FGD4: variants seen among roughly 807,000 people sequenced by gnomAD.
FGD4 encodes the protein FYVE, RhoGEF and PH domain-containing protein 4.
Under a neutral mutation model 102.0 loss-of-function variants are expected in FGD4, and 42 were observed. The ratio of observed to expected loss-of-function variants is 0.41; its 90% CI spans 0.32 to 0.53. The LOEUF is 0.53. Ranked by LOEUF, FGD4 falls within the 20% of genes least tolerant of loss-of-function variation. FGD4 has a pLI of 0.21. For missense variants in FGD4, 902 were observed against 1,078.2 expected (o/e 0.84, Z 2.29); for synonymous variants, 380 against 375.7 (o/e 1.01, Z -0.13).
chr12:32,561,393 T>C (rs188616117), intron 1 of FGD4, among the ~76,000 whole-genome samples: 113 of 152,308 alleles, frequency 7.4e-4, no homozygotes, highest in African/African-American at 2.5e-3. Flanking sequence ...GGCCCAAATG[T>C]GGTTTCTAAT....
chr12:32,631,343 A>G lies in FGD4; in HGVS notation c.2173-2206A>G, dbSNP rs117795256. ...AAAAGGAATGGGAGACACAGAAAAC[A>G]GTAGGTGTTCCCAGTGTCATGAGTG... is the stretch of plus-strand genomic sequence containing the variant. On this transcript the variant is annotated intron_variant, in intron 14 of 16. Coordinates refer to ENST00000534526, the MANE Select transcript of FGD4 (RefSeq NM_001370298.3). Among the ~76,000 whole-genome samples, 1,119 of 152,278 alleles carry G rather than the reference A, an allele frequency of 7.3e-3. 36 individuals carry two copies. The East Asian group carries it at 0.11, about 15-fold the overall frequency.
At chr12:32,511,419 C>A (rs1399736905) in intron 1 of FGD4, among the ~76,000 whole-genome samples, 2 of 152,124 alleles carry the variant, frequency 1.3e-5, no homozygotes, top group Admixed American at 6.6e-5. Context: ...TCAAGCAATT[C>A]TCCAGAGTAG....
At chr12:32,541,558 G>T (rs1031028232) in intron 1 of FGD4, among the ~76,000 whole-genome samples, 7 of 152,084 alleles carry the variant, frequency 4.6e-5, no homozygotes, top group African/African-American at 1.7e-4. Context: ...TAGAGACGGG[G>T]TTTCACCACG....
chr12:32,503,505 G>C (rs1209301230), intron 1 of FGD4, among the ~76,000 whole-genome samples: 2 of 152,072 alleles, frequency 1.3e-5, no homozygotes, highest in Non-Finnish European at 2.9e-5. Context: ...TTCAAGAACA[G>C]GTTTTTAGGC....
At chr12:32,540,729 C>A (rs1443479366) in intron 1 of FGD4, among the ~76,000 whole-genome samples, 1 of 152,048 alleles carries the variant, frequency 6.6e-6, no homozygotes, top group Non-Finnish European at 1.5e-5. Flanking sequence ...CCACCCCCAG[C>A]TAATTTTGTA....
At chr12:32,490,856 A>G (rs76571917) in intron 1 of FGD4, among the ~76,000 whole-genome samples, 99 of 152,312 alleles carry the variant, frequency 6.5e-4, no homozygotes, top group Middle Eastern at 3.4e-3. Context: ...TCTTTCTACT[A>G]AAAATCATGA....
At chr12:32,521,456 T>A (rs1201684427) in intron 1 of FGD4, among the ~76,000 whole-genome samples, 1 of 150,598 alleles carries the variant, frequency 6.6e-6, no homozygotes, top group African/African-American at 2.4e-5. Flanking sequence ...CCACAGGGAA[T>A]AATTAGACTT....
At position 32,495,532 on chromosome 12, in the gene FGD4, A is replaced by G. The variant is rs562359242; in HGVS notation, c.167-68605A>G. On this transcript the variant is annotated intron_variant, in intron 1 of 16. Transcript: ENST00000534526. ...TAACACAGCGAAACCCGTCTCTACTAAAAAATACAGAAAATTAGCCAGGCG... is the reference window on the plus strand; with the variant it reads ...TAACACAGCGAAACCCGTCTCTACTGAAAAATACAGAAAATTAGCCAGGCG... Among the ~76,000 whole-genome samples the G allele has an allele frequency of 3.3e-5, 5 of 151,902 alleles. No individual in the cohort carries two copies. The East Asian group carries it at 9.7e-4, about 30-fold the overall frequency.
chr12:32,405,261 G>GGTTTTT, intron 1 of FGD4, among the ~76,000 whole-genome samples: 1 of 108,742 alleles, frequency 9.2e-6, no homozygotes, highest in Non-Finnish European at 1.8e-5. Flanking sequence ...GCAGTCAGTG[G>GGTTTTT]TTTTTTTTTT....
chr12:32,599,096 A>G (rs1948137767), intron 5 of FGD4, among the ~76,000 whole-genome samples: 1 of 152,168 alleles, frequency 6.6e-6, no homozygotes, highest in African/African-American at 2.4e-5. Flanking sequence ...CCCAGCTGAT[A>G]TTTGTTTAAT....
intron 1 of FGD4, among the ~76,000 whole-genome samples, chr12:32,500,342 A>G (rs558059681): frequency 2.0e-4 from 30 of 152,156 alleles, no homozygotes; most frequent in Non-Finnish European, 4.1e-4. Flanking sequence ...ACTTGTTAAT[A>G]GAAACATTTC....
intron 1 of FGD4, among the ~76,000 whole-genome samples, chr12:32,451,820 G>A (rs957659090): frequency 5.4e-5 from 3 of 55,252 alleles, no homozygotes; most frequent in African/African-American, 2.3e-4. Flanking sequence ...GGCAACAAAA[G>A]CGAAACTCCA....
chr12:32,569,271 G>A (rs1945449586), intron 2 of FGD4, among the ~76,000 whole-genome samples: 1 of 152,048 alleles, frequency 6.6e-6, no homozygotes, highest in African/African-American at 2.4e-5. Flanking sequence ...TCTCAACACA[G>A]CTCCCAGAGT....
chr12:32,635,120 A>C (rs1175644490), intron 15 of FGD4, among the ~76,000 whole-genome samples: 1 of 152,230 alleles, frequency 6.6e-6, no homozygotes, highest in Non-Finnish European at 1.5e-5. Context: ...TACAAACTTC[A>C]AGGTCCATTT....
intron 1 of FGD4, among the ~76,000 whole-genome samples, chr12:32,491,544 G>T (rs543048344): frequency 6.6e-6 from 1 of 152,278 alleles, no homozygotes; most frequent in East Asian, 1.9e-4. Flanking sequence ...CGTTGGTAAG[G>T]AACTTTTGTC....
chr12:32,549,993 A>G (rs1943526066), intron 1 of FGD4, among the ~76,000 whole-genome samples: 2 of 152,054 alleles, frequency 1.3e-5, no homozygotes, highest in South Asian at 2.1e-4. Flanking sequence ...TCATCATCCT[A>G]TGCCTGGGCT....
chr12:32,448,704 T>C (rs1591921161), intron 1 of FGD4, among the ~76,000 whole-genome samples: 1 of 140,442 alleles, frequency 7.1e-6, no homozygotes, highest in African/African-American at 2.6e-5. Flanking sequence ...GGACTTGAGG[T>C]AGGAATGTGT....
chr12:32,598,419 T>C, intron 4 of FGD4, 78 bp from the exon 5 acceptor site: 1 of 1,012,070 alleles, frequency 9.9e-7, no homozygotes, highest in Non-Finnish European at 1.5e-6. Context: ...GATCAAATCA[T>C]TTGAAGAAGC....
intron 1 of FGD4, among the ~76,000 whole-genome samples, chr12:32,454,577 G>A (rs1019856033): frequency 6.6e-6 from 1 of 152,074 alleles, no homozygotes; most frequent in Admixed American, 6.6e-5. Context: ...TTTAAAAATC[G>A]CTAATGCTTT....
Sources: allele counts gnomAD v4.1 joint callset (sites outside exome capture counted in the v4.1 genomes callset), GRCh38; gene constraint gnomAD v4.1.1; transcripts MANE v1.5; gene names NCBI Gene and HGNC (gene_info 2026-07-23, HGNC 2026-07-21).